ASAH2: variants seen among roughly 807,000 people sequenced by gnomAD.
The protein encoded by ASAH2 is neutral ceramidase.
Under a neutral mutation model 82.9 loss-of-function variants are expected in ASAH2, and 58 were observed. The observed-to-expected ratio is 0.70, with a 90% CI of 0.57 to 0.87. The LOEUF (loss-of-function observed/expected upper bound fraction) is 0.87. Ranked by LOEUF, ASAH2 falls within the 40% of genes least tolerant of loss-of-function variation. The probability of loss-of-function intolerance (pLI) is 0.00; values close to 1 mark genes in which losing one functional copy is unlikely to be tolerated. For synonymous variants in ASAH2, 276 were observed against 289.7 expected (o/e 0.95, Z 0.48); for missense variants, 779 against 834.0 (o/e 0.93, Z 0.81).
intron 18 of ASAH2, among the ~76,000 whole-genome samples, chr10:50,194,743 C>T (rs1844929933): frequency 6.6e-6 from 1 of 150,978 alleles, no homozygotes; most frequent in East Asian, 2.0e-4. Context: ...ACCAATGGAG[C>T]CCAGAAATAA....
intron 3 of ASAH2, among the ~76,000 whole-genome samples, chr10:50,244,887 C>G (rs1053400738): frequency 2.0e-5 from 3 of 152,116 alleles, no homozygotes; most frequent in South Asian, 2.1e-4. Flanking sequence ...CTCCCACCCC[C>G]AAACTGAGCA....
intron 12 of ASAH2, among the ~76,000 whole-genome samples, chr10:50,208,026 T>C (rs1187303182): frequency 1.3e-5 from 2 of 152,108 alleles, no homozygotes; most frequent in East Asian, 3.9e-4. Flanking sequence ...AACTGATTAA[T>C]GCAGTACAAC....
intron 7 of ASAH2, among the ~76,000 whole-genome samples, chr10:50,220,958 A>T (rs1744239383): frequency 1.3e-5 from 2 of 151,700 alleles, no homozygotes; most frequent in African/African-American, 4.8e-5. Context: ...CACTGTAGGC[A>T]TTCGAAAATT....
chr10:50,239,612 T>C (rs1007152399), intron 4 of ASAH2, among the ~76,000 whole-genome samples: 150 of 152,198 alleles, frequency 9.9e-4, no homozygotes, highest in African/African-American at 3.3e-3. Flanking sequence ...ACTCTGACAG[T>C]TCCTAGCTGT....
At chr10:50,229,928 T>G in intron 7 of ASAH2, among the ~76,000 whole-genome samples, 1 of 152,212 alleles carries the variant, frequency 6.6e-6, no homozygotes, top group Middle Eastern at 3.2e-3. Flanking sequence ...CCTATCTGTA[T>G]GCCTTCTGTC....
intron 8 of ASAH2, among the ~76,000 whole-genome samples, chr10:50,215,568 A>G (rs1354600052): frequency 2.0e-5 from 3 of 152,184 alleles, no homozygotes; most frequent in African/African-American, 7.2e-5. Context: ...TCCTTTCCCT[A>G]TTGCTTGTTT....
rs963139348 is a variant in ASAH2 at position 50,239,048 on chromosome 10, T to A, written c.511-2984A>T. 5.6e-4 allele frequency among the ~76,000 whole-genome samples: 86 copies of A among 152,318 alleles called. 1 individual carries two copies. The South Asian group carries it at 0.012, about 22-fold the overall frequency. Reference sequence around the variant, plus strand: ...AAGCAGCTACATTTATGTCTACCGCTCACTTCTGTCTTCAGTTTCTATTCC... The same window carrying A: ...AAGCAGCTACATTTATGTCTACCGCACACTTCTGTCTTCAGTTTCTATTCC... On this transcript the variant is annotated intron_variant, in intron 4 of 20. Coordinates refer to ENST00000682911, the MANE Select transcript of ASAH2 (RefSeq NM_019893.4).
intron 12 of ASAH2, among the ~76,000 whole-genome samples, chr10:50,209,122 A>T (rs1392253340): frequency 6.6e-6 from 1 of 152,164 alleles, no homozygotes; most frequent in African/African-American, 2.4e-5. Flanking sequence ...TACCTCCATG[A>T]TACACAAAGT....
At chr10:50,244,556 G>A (rs1000336316) in intron 3 of ASAH2, among the ~76,000 whole-genome samples, 4 of 152,188 alleles carry the variant, frequency 2.6e-5, no homozygotes, top group Admixed American at 2.0e-4. Flanking sequence ...GTTTCCTAGT[G>A]AAGCACTGAC....
intron 16 of ASAH2, among the ~76,000 whole-genome samples, chr10:50,200,474 C>T (rs1845112141): frequency 3.3e-5 from 5 of 151,652 alleles, no homozygotes; most frequent in African/African-American, 4.9e-5. Flanking sequence ...CATTCTTACT[C>T]TTTATTTGCT....
At chr10:50,205,928 C>G in intron 13 of ASAH2, 54 bp downstream of exon 13, 2 of 1,329,274 alleles carry the variant, frequency 1.5e-6, no homozygotes, top group Non-Finnish European at 1.1e-6. Flanking sequence ...TGACAGTTCA[C>G]ATATTTAAAA....
intron 5 of ASAH2, 104 bp downstream of exon 5, chr10:50,235,784 C>A (rs1020919793): frequency 7.6e-7 from 1 of 1,317,634 alleles, no homozygotes; most frequent in Middle Eastern, 2.1e-4. Context: ...TAATACTATG[C>A]TCAGACCCAA....
At chr10:50,240,852 T>C (rs1356876482) in intron 4 of ASAH2, among the ~76,000 whole-genome samples, 2 of 152,252 alleles carry the variant, frequency 1.3e-5, no homozygotes, top group Non-Finnish European at 2.9e-5. Flanking sequence ...TAAAAGACCA[T>C]ATGTCCACAA....
intron 17 of ASAH2, among the ~76,000 whole-genome samples, 157 bp downstream of exon 17, chr10:50,198,894 T>C (rs1204273219): frequency 6.6e-6 from 1 of 152,054 alleles, no homozygotes; most frequent in Non-Finnish European, 1.5e-5. Flanking sequence ...CTATAAATTT[T>C]GTAAAATATA....
At chr10:50,226,990 A>G (rs1845903763) in intron 7 of ASAH2, among the ~76,000 whole-genome samples, 1 of 152,190 alleles carries the variant, frequency 6.6e-6, no homozygotes, top group Admixed American at 6.5e-5. Context: ...AATCCAAAAA[A>G]AGTAAGAGAT....
intron 4 of ASAH2, among the ~76,000 whole-genome samples, chr10:50,242,000 C>T (rs1429375442): frequency 6.6e-6 from 1 of 151,908 alleles, no homozygotes; most frequent in Non-Finnish European, 1.5e-5. Context: ...CAAAACTCCA[C>T]GTTCTGCACA....
intron 2 of ASAH2, 93 bp downstream of exon 2, chr10:50,248,391 C>G (rs775059431): frequency 2.0e-6 from 3 of 1,464,988 alleles, no homozygotes; most frequent in Non-Finnish European, 2.8e-6. Context: ...GTAGAACTAT[C>G]AGCAGACACT....
chr10:50,198,770 G>T (rs1309141980), intron 17 of ASAH2, among the ~76,000 whole-genome samples: 1 of 151,932 alleles, frequency 6.6e-6, no homozygotes, highest in African/African-American at 2.4e-5. Context: ...TCACATGATG[G>T]TTGTAAAAAT....
At chr10:50,211,604 G>A (rs1350445762) in intron 10 of ASAH2, among the ~76,000 whole-genome samples, 1 of 152,048 alleles carries the variant, frequency 6.6e-6, no homozygotes, top group Non-Finnish European at 1.5e-5. Flanking sequence ...GCAGCACTTC[G>A]CCCACCCACA....
Sources: allele counts gnomAD v4.1 joint callset (sites outside exome capture counted in the v4.1 genomes callset), GRCh38; gene constraint gnomAD v4.1.1; transcripts MANE v1.5; gene names NCBI Gene and HGNC (gene_info 2026-07-23, HGNC 2026-07-21).